KDM1B: variants seen among roughly 807,000 people sequenced by gnomAD.
The protein encoded by KDM1B is lysine-specific histone demethylase 2.
In KDM1B, 63 loss-of-function variants were observed where a neutral mutation model predicts 107.4. That is an observed-to-expected ratio of 0.59 (90% CI 0.48 to 0.72). The LOEUF (loss-of-function observed/expected upper bound fraction) is 0.72. Among genes scored for constraint, KDM1B ranks in the 30% least tolerant of loss-of-function variants. The pLI is 0.00. For synonymous variants in KDM1B, 363 were observed against 363.9 expected, an observed-to-expected ratio of 1.00 and a Z score of 0.03; for missense variants, 749 against 1,020.8, an observed-to-expected ratio of 0.73 and a Z score of 3.63.
Position 18,162,823 on chromosome 6 carries a change from C to T in KDM1B, c.216-12C>T. The T allele has an allele frequency of 6.7e-7, 1 of 1,484,944 alleles. No homozygotes were observed. Among genetic ancestry groups the T allele is most frequent in the Non-Finnish European group, 9.4e-7 (1 of 1,063,136 alleles). 92.0% of individuals were successfully genotyped at this position (1,484,944 alleles called of 1,614,324 possible). The stretch of plus-strand genomic sequence containing the variant: ...TTCATTACCAAAGCTATATGTTTTT[C>T]ACTATTTTCAGATGTGCCAAAAATG... On this transcript the variant is annotated splice_polypyrimidine_tract_variant and intron_variant, in intron 4 of 21. Transcript: ENST00000650836. The surrounding 1 kb of genome is among the most constrained non-coding windows in gnomAD (Gnocchi z 4.1).
In KDM1B at chr6:18,162,507, T is replaced by G. The variant is rs1304364943; in HGVS notation, c.216-328T>G. Among the ~76,000 whole-genome samples, 3 of 152,148 alleles carry G rather than the reference T, an allele frequency of 2.0e-5. No individual in the cohort carries two copies. Among genetic ancestry groups the G allele is most frequent in the Non-Finnish European group, 2.9e-5 (2 of 68,040 alleles). On this transcript the variant is annotated intron_variant, in intron 4 of 21. Transcript: ENST00000650836. The surrounding 1 kb of genome is among the most constrained non-coding windows in gnomAD (Gnocchi z 4.1). ...CTGTTCAGTACTGGGCCCCACGTTA[T>G]TCTCTCATGTCCACATATGCAGCCT...
At chr6:18,221,653 C>G (rs1458975132) in intron 21 of KDM1B, among the ~76,000 whole-genome samples, 1 of 152,166 alleles carries the variant, frequency 6.6e-6, no homozygotes, top group Admixed American at 6.5e-5. Flanking sequence ...GTTCTTAACT[C>G]TAGTACCTAT....
chr6:18,218,843 CAG>C (rs1367488213), intron 21 of KDM1B, among the ~76,000 whole-genome samples: 4 of 152,092 alleles, frequency 2.6e-5, no homozygotes, highest in African/African-American at 9.7e-5. Flanking sequence ...GAGATTACTG[CAG>C]AGTGTCCTCC....
chr6:18,166,526 G>T, intron 6 of KDM1B, 148 bp downstream of exon 6: 1 of 586,318 alleles, frequency 1.7e-6, no homozygotes, highest in Non-Finnish European at 3.1e-6. Context: ...TTTATAGAAA[G>T]CTGAGATATT....
intron 3 of KDM1B, among the ~76,000 whole-genome samples, chr6:18,161,023 G>A (rs1784938933): frequency 6.6e-6 from 1 of 151,554 alleles, no homozygotes; most frequent in African/African-American, 2.4e-5. Context: ...CAAAGTGCTG[G>A]GGATTACAGG....
chr6:18,156,141 TGTA>T (rs1425645497), intron 2 of KDM1B, among the ~76,000 whole-genome samples: 2 of 152,174 alleles, frequency 1.3e-5, no homozygotes, highest in Admixed American at 1.3e-4. Flanking sequence ...TTGCAGGTGT[TGTA>T]GTAATTCTCT....
rs147829792 is a variant in KDM1B at position 18,197,201 on chromosome 6, G to A, written c.1114G>A (p.Asp372Asn). 20 of 1,613,872 alleles carry A rather than the reference G, an allele frequency of 1.2e-5. No individual in the cohort carries two copies. The African/African-American group carries it at 1.9e-4, about 15-fold the overall frequency. ...INTGVLSVGA[D>N]QYLLPKDYHN... ...CACTGGAGTTCTCAGCGTGGGAGCC[G>A]ACCAGTATCTTCTCCCTAAGGACTA... The change falls in exon 11 of 22, where the codon GAC becomes AAC. Residue 372 changes from aspartate to asparagine, a missense_variant. Asp to Asn is a conservative substitution (Grantham distance 23). Coordinates refer to ENST00000650836, the MANE Select transcript of KDM1B (RefSeq NM_001364614.2). This position sits in a 1 kb window ranked among gnomAD's most constrained non-coding sequence, Gnocchi z 4.5.
chr6:18,197,546 TC>T lies in KDM1B; in HGVS notation c.1147-40del, dbSNP rs772761659. ...GAACAACTAAAACAGGACGTTGTTA[TC>T]ATCTGCTCTAATTGGACTTTTGTTT... On this transcript the variant is annotated intron_variant, in intron 11 of 21. Coordinates refer to ENST00000650836, the MANE Select transcript of KDM1B (RefSeq NM_001364614.2). This position sits in a 1 kb window ranked among gnomAD's most constrained non-coding sequence, Gnocchi z 4.5. 1 of 1,485,380 alleles carries T rather than the reference TC, an allele frequency of 6.7e-7. No individual in the cohort carries two copies. Among genetic ancestry groups the T allele is most frequent in the Non-Finnish European group, 9.4e-7 (1 of 1,065,150 alleles). 92.0% of individuals were successfully genotyped at this position (1,485,380 alleles called of 1,614,324 possible). A position where few individuals can be genotyped will look rare whatever the true frequency, so the allele number is the denominator to read the frequency against.
intron 14 of KDM1B, among the ~76,000 whole-genome samples, chr6:18,202,856 A>G (rs1227838635): frequency 1.3e-5 from 2 of 152,138 alleles, no homozygotes; most frequent in Non-Finnish European, 2.9e-5. Context: ...GTAAGTTTTG[A>G]CTGATATACT....
At chr6:18,199,884 C>G (rs911848096) in intron 12 of KDM1B, among the ~76,000 whole-genome samples, 1 of 152,032 alleles carries the variant, frequency 6.6e-6, no homozygotes, top group Non-Finnish European at 1.5e-5. Context: ...TTCATTAAAT[C>G]TTTTTGTTTT....
intron 7 of KDM1B, among the ~76,000 whole-genome samples, chr6:18,185,304 CTTT>C (rs554155812): frequency 7.0e-6 from 1 of 142,540 alleles, no homozygotes. Context: ...CACACTCTCA[CTTT>C]TTTTTTTTTT....
intron 10 of KDM1B, among the ~76,000 whole-genome samples, chr6:18,193,210 A>AG (rs1787399858): frequency 6.6e-6 from 1 of 150,700 alleles, no homozygotes; most frequent in African/African-American, 2.4e-5. Context: ...AAAAAAAAAA[A>AG]AAAAAGAATT....
rs1313880729 is a variant in KDM1B, at chr6:18,172,077, A to C, written c.534+598A>C. On this transcript the variant is annotated intron_variant, in intron 7 of 21. Transcript: ENST00000650836. This position sits in a 1 kb window ranked among gnomAD's most constrained non-coding sequence, Gnocchi z 5.2. The stretch of plus-strand genomic sequence containing the variant: ...TAACTATAGTGAGGACAGAGGAAGA[A>C]AATATTTTACGACTGAGGATGTTGC... Among the ~76,000 whole-genome samples the C allele has an allele frequency of 6.6e-6, 1 of 152,200 alleles. No homozygotes were observed. Among genetic ancestry groups the C allele is most frequent in the Non-Finnish European group, 1.5e-5 (1 of 68,032 alleles).
chr6:18,219,536 G>T (rs1249932004), intron 21 of KDM1B, among the ~76,000 whole-genome samples: 1 of 152,142 alleles, frequency 6.6e-6, no homozygotes. Flanking sequence ...TTTGCAGAAT[G>T]TTCCTTTTTT....
Position 18,210,127 on chromosome 6 carries a change from A to G in KDM1B, c.1866+1921A>G, listed in dbSNP as rs568551570. Among the ~76,000 whole-genome samples, 3 of 152,264 alleles carry G rather than the reference A, an allele frequency of 2.0e-5. No homozygotes were observed. In the East Asian group the frequency reaches 5.8e-4, roughly 29 times the overall value. ...TGTTTAAAACAAATATTTTTATTGT[A>G]GCTAGCACGCACCACAGTTTGCATT... On this transcript the variant is annotated intron_variant, in intron 17 of 21. Coordinates refer to ENST00000650836, the MANE Select transcript of KDM1B (RefSeq NM_001364614.2).
Position 18,217,737 on chromosome 6 carries a change from T to C in KDM1B, c.2237T>C (p.Val746Ala). 1 of 1,611,494 alleles carries C rather than the reference T, an allele frequency of 6.2e-7. No individual in the cohort carries two copies. Among genetic ancestry groups the C allele is most frequent in the Non-Finnish European group, 8.5e-7 (1 of 1,179,270 alleles). ...TLRELFKEQE[V>A]PDPTKYFVTR... ...ATTCCTTTCTATTGGACATAGGAGG[T>C]CCCAGATCCCACAAAGTATTTTGTC... Residue 746 changes from valine (V) to alanine (A), a missense_variant, in exon 21 of 22, where the codon GTC becomes GCC. Physicochemically the swap from Val to Ala is moderately conservative, Grantham distance 64. Coordinates refer to ENST00000650836, the MANE Select transcript of KDM1B (RefSeq NM_001364614.2).
Position 18,196,186 on chromosome 6 carries a change from T to C in KDM1B, c.970-871T>C, listed in dbSNP as rs545000415. Among the ~76,000 whole-genome samples, 10 of 152,336 alleles carry C rather than the reference T, an allele frequency of 6.6e-5. No individual in the cohort carries two copies. The East Asian group carries it at 1.5e-3, about 23-fold the overall frequency. On this transcript the variant is annotated intron_variant, in intron 10 of 21. Transcript: ENST00000650836. ...TTCCTTTTTTTCTTTTAAGGCTGAA[T>C]AGTATTCCATTGTGTGGATATAGCA... is the stretch of plus-strand genomic sequence containing the variant.
At chr6:18,210,466 T>C (rs560399298) in intron 17 of KDM1B, among the ~76,000 whole-genome samples, 31 of 149,610 alleles carry the variant, frequency 2.1e-4, no homozygotes, top group African/African-American at 7.4e-4. Flanking sequence ...TGAGCAGTGC[T>C]CCCACCTCAG....
At chr6:18,218,318 C>CCTG (rs1789407554) in intron 21 of KDM1B, among the ~76,000 whole-genome samples, 1 of 151,806 alleles carries the variant, frequency 6.6e-6, no homozygotes, top group Non-Finnish European at 1.5e-5. Context: ...GAGACGGGGT[C>CCTG]CGCAGTGTTG....
Sources: gnomAD v4.1 joint callset for allele counts (sites outside exome capture counted in the v4.1 genomes callset) on GRCh38, gnomAD v4.1.1 for gene constraint, Gnocchi (gnomAD v3.1) non-coding constraint, MANE v1.5 for transcripts, NCBI Gene and HGNC (gene_info 2026-07-23, HGNC 2026-07-21) for gene names.